SH2D4B: variants seen among roughly 807,000 people sequenced by gnomAD.
SH2D4B encodes SH2 domain containing 4B, also known as SH2 domain-containing protein 4B.
A neutral mutation model predicts 61.5 loss-of-function variants in SH2D4B; 45 were observed. That is an observed-to-expected ratio of 0.73 (90% CI 0.58 to 0.94). The LOEUF (loss-of-function observed/expected upper bound fraction) is 0.94, where lower values mean the gene tolerates loss of function less well. Ranked by LOEUF, SH2D4B falls within the 40% of genes least tolerant of loss-of-function variation. The pLI, the probability that SH2D4B is intolerant of heterozygous loss-of-function variation, is 0.00. For missense variants in SH2D4B, 572 were observed against 574.2 expected (o/e 1.00, Z 0.04); for synonymous variants, 224 against 220.4 (o/e 1.02, Z -0.14).
intron 1 of SH2D4B, among the ~76,000 whole-genome samples, chr10:80,545,815 C>T (rs144724080): frequency 2.4e-3 from 364 of 152,124 alleles, no homozygotes; most frequent in African/African-American, 8.6e-3. Context: ...GTGTGCTGCA[C>T]GATGTGACCT....
intron 4 of SH2D4B, among the ~76,000 whole-genome samples, chr10:80,598,033 G>A (rs1030241000): frequency 3.9e-5 from 6 of 152,196 alleles, no homozygotes; most frequent in African/African-American, 7.2e-5. Context: ...ACAAAAAATC[G>A]TGAACCATTA....
At chr10:80,612,898 A>T (rs1187550150) in intron 6 of SH2D4B, among the ~76,000 whole-genome samples, 1 of 152,254 alleles carries the variant, frequency 6.6e-6, no homozygotes, top group Non-Finnish European at 1.5e-5. Flanking sequence ...TCTAGAACTT[A>T]GCGGCTCTGA....
chr10:80,563,781 T>C (rs1841935426), intron 1 of SH2D4B, among the ~76,000 whole-genome samples: 1 of 152,204 alleles, frequency 6.6e-6, no homozygotes, highest in South Asian at 2.1e-4. Context: ...ATAACTCTTG[T>C]CCTAAAGGAT....
rs1007739104 is a variant in SH2D4B at position 80,571,604 on chromosome 10, G to A, written c.495+26G>A. 5.6e-6 allele frequency: 9 copies of A among 1,611,130 alleles called. No homozygotes were observed. In the East Asian group the frequency reaches 1.1e-4, roughly 20 times the overall value. On this transcript the variant is annotated intron_variant, in intron 3 of 7. Coordinates refer to ENST00000646907, the MANE Select transcript of SH2D4B (RefSeq NM_001388272.1). ...GTGGGCCAGCGCATGGGGCCCCTGC[G>A]TGCGGCCACCTAATTAGCCCCTGAG...
At chr10:80,614,665 C>T (rs1177931339) in intron 6 of SH2D4B, among the ~76,000 whole-genome samples, 1 of 152,262 alleles carries the variant, frequency 6.6e-6, no homozygotes, top group Non-Finnish European at 1.5e-5. Flanking sequence ...CCTTTACACC[C>T]TCTGCTCCTG....
chr10:80,627,792 A>G (rs1878038), intron 6 of SH2D4B, among the ~76,000 whole-genome samples: 5,089 of 151,828 alleles, frequency 0.034, 300 homozygotes, highest in African/African-American at 0.12. Context: ...AGGGAGGAAG[A>G]AGAAAAGGAA....
chr10:80,611,329 C>T (rs778112892), intron 6 of SH2D4B, among the ~76,000 whole-genome samples: 49 of 152,098 alleles, frequency 3.2e-4, no homozygotes, highest in Non-Finnish European at 5.9e-4. Flanking sequence ...ACCAATGTGG[C>T]GTCCATGGTA....
intron 1 of SH2D4B, among the ~76,000 whole-genome samples, chr10:80,558,435 C>T (rs1841864838): frequency 6.6e-6 from 1 of 151,990 alleles, no homozygotes; most frequent in South Asian, 2.1e-4. Context: ...TAAAAAGCAG[C>T]TTTATTGAGA....
chr10:80,585,910 G>A (rs1028157628), intron 3 of SH2D4B, among the ~76,000 whole-genome samples: 1 of 152,048 alleles, frequency 6.6e-6, no homozygotes, highest in Non-Finnish European at 1.5e-5. Context: ...GGCTGCACGT[G>A]GCGCTTGCGG....
At chr10:80,582,731 C>T (rs1390284083) in intron 3 of SH2D4B, among the ~76,000 whole-genome samples, 1 of 152,156 alleles carries the variant, frequency 6.6e-6, no homozygotes, top group African/African-American at 2.4e-5. Context: ...TGAGGGGAGA[C>T]TTGAGGAAAT....
intron 3 of SH2D4B, among the ~76,000 whole-genome samples, chr10:80,580,862 G>A (rs1167740297): frequency 4.6e-5 from 7 of 152,252 alleles, no homozygotes; most frequent in East Asian, 1.9e-4. Context: ...AGAGCAAGGC[G>A]ATTAATTCCT....
At chr10:80,583,203 A>G (rs1842203100) in intron 3 of SH2D4B, among the ~76,000 whole-genome samples, 1 of 152,232 alleles carries the variant, frequency 6.6e-6, no homozygotes, top group South Asian at 2.1e-4. Context: ...AAATCCTCAG[A>G]GAAATGAGTT....
chr10:80,558,764 C>T (rs1006722735), intron 1 of SH2D4B, among the ~76,000 whole-genome samples: 2 of 152,180 alleles, frequency 1.3e-5, no homozygotes, highest in African/African-American at 4.8e-5. Context: ...CTTGGCTTTC[C>T]AAACTGCTAG....
intron 7 of SH2D4B, chr10:80,642,992 T>A (rs1324197238): frequency 6.6e-6 from 1 of 152,666 alleles, no homozygotes; most frequent in East Asian, 1.9e-4. Flanking sequence ...TAGTTTGCAT[T>A]TGTCTGATTA....
chr10:80,603,884 A>AAACTACACAGCAAATCTGG, intron 5 of SH2D4B, 89 bp downstream of exon 5: 1 of 1,211,106 alleles, frequency 8.3e-7, no homozygotes, highest in Non-Finnish European at 1.1e-6. Context: ...GGTCTGCCCC[A>AAACTACACAGCAAATCTGG]GATTTGCTGT....
intron 1 of SH2D4B, among the ~76,000 whole-genome samples, chr10:80,556,473 G>A (rs7082577): frequency 0.65 from 99,028 of 152,102 alleles, 33,616 homozygotes; most frequent in African/African-American, 0.85. Context: ...TGTCAATTCT[G>A]TAAAAAGCTT....
At chr10:80,592,479 A>G (rs373831726) in intron 4 of SH2D4B, among the ~76,000 whole-genome samples, 1 of 152,162 alleles carries the variant, frequency 6.6e-6, no homozygotes, top group East Asian at 1.9e-4. Flanking sequence ...GCTTACACCT[A>G]TCTTTGTTCT....
Position 80,590,131 on chromosome 10 carries a change from AT to A in SH2D4B, c.643+1355del, listed in dbSNP as rs562947096. On this transcript the variant is annotated intron_variant, in intron 4 of 7. Transcript: ENST00000646907. ...GGAGGCAGAGGGAGTGGGGGAAAAC[AT>A]GGGCAAGAGTGTTTATTGTGATTTC... is the stretch of plus-strand genomic sequence containing the variant. 1.2e-4 allele frequency among the ~76,000 whole-genome samples: 19 copies of A among 152,296 alleles called. No homozygotes were observed. In the South Asian group the frequency reaches 3.9e-3, roughly 32 times the overall value.
chr10:80,605,654 G>A (rs1382750744), intron 5 of SH2D4B, among the ~76,000 whole-genome samples: 2 of 152,100 alleles, frequency 1.3e-5, no homozygotes, highest in African/African-American at 2.4e-5. Flanking sequence ...GAGTAGCTGG[G>A]ATTATGGGTG....
Sources: allele counts gnomAD v4.1 joint callset (sites outside exome capture counted in the v4.1 genomes callset), GRCh38; gene constraint gnomAD v4.1.1; transcripts MANE v1.5; gene names NCBI Gene and HGNC (gene_info 2026-07-23, HGNC 2026-07-21).